The following CPED1 variants were observed in gnomAD, a reference collection of about 807,000 sequenced individuals.
CPED1 encodes the protein cadherin like and PC-esterase domain containing 1.
A neutral mutation model predicts 128.2 loss-of-function variants in CPED1; 114 were observed. That is an observed-to-expected ratio of 0.89 (90% CI 0.76 to 1.04). CPED1 has a LOEUF of 1.04. CPED1 is among the 50% of genes least tolerant of loss of function. The pLI, the probability that CPED1 is intolerant of heterozygous loss-of-function variation, is 0.00. For missense variants in CPED1, 1,211 were observed against 1,207.1 expected (o/e 1.00, Z -0.05); for synonymous variants, 462 against 426.7 (o/e 1.08, Z -1.02).
At chr7:121,228,931 A>G (rs1055048580) in intron 16 of CPED1, among the ~76,000 whole-genome samples, 12 of 152,090 alleles carry the variant, frequency 7.9e-5, no homozygotes, top group African/African-American at 2.9e-4. Context: ...TAAAACATTG[A>G]TCACATGGTG....
intron 5 of CPED1, among the ~76,000 whole-genome samples, chr7:121,088,087 T>C (rs1184653609): frequency 6.6e-6 from 1 of 152,212 alleles, no homozygotes; most frequent in African/African-American, 2.4e-5. Context: ...TAGCAAGATA[T>C]AAATGACTTC....
chr7:121,159,958 T>C (rs1416064337), intron 16 of CPED1, among the ~76,000 whole-genome samples: 1 of 152,218 alleles, frequency 6.6e-6, no homozygotes, highest in Non-Finnish European at 1.5e-5. Flanking sequence ...TTGAAAAATG[T>C]TAAAATGCAT....
At chr7:121,240,856 A>G (rs918887591) in intron 17 of CPED1, among the ~76,000 whole-genome samples, 1 of 151,424 alleles carries the variant, frequency 6.6e-6, no homozygotes, top group Non-Finnish European at 1.5e-5. Flanking sequence ...CTACACAGCC[A>G]CTCAATGTGA....
intron 16 of CPED1, among the ~76,000 whole-genome samples, chr7:121,198,447 G>T (rs546580770): frequency 1.3e-5 from 2 of 152,180 alleles, no homozygotes; most frequent in African/African-American, 4.8e-5. Flanking sequence ...GTTTTCCTCA[G>T]ATGGCAAGTG....
chr7:121,079,721 C>T (rs1428665189), intron 5 of CPED1, among the ~76,000 whole-genome samples: 1 of 152,210 alleles, frequency 6.6e-6, no homozygotes, highest in Non-Finnish European at 1.5e-5. Context: ...AGCTGAATAA[C>T]CCCTCTGCTC....
chr7:121,052,258 C>T (rs539355227), intron 4 of CPED1, among the ~76,000 whole-genome samples: 1 of 152,306 alleles, frequency 6.6e-6, no homozygotes, highest in African/African-American at 2.4e-5. Context: ...TGAAACTAGA[C>T]TTCATTCAGT....
At chr7:120,989,940 TA>T in intron 2 of CPED1, 70 bp downstream of exon 2, 1 of 1,571,044 alleles carries the variant, frequency 6.4e-7, no homozygotes, top group Non-Finnish European at 8.6e-7. Context: ...GTCCTTTCTA[TA>T]AAACTAAAAT....
chr7:121,260,907 T>G (rs1482264944), intron 18 of CPED1, among the ~76,000 whole-genome samples: 1 of 152,080 alleles, frequency 6.6e-6, no homozygotes, highest in Non-Finnish European at 1.5e-5. Flanking sequence ...GATTTTAATT[T>G]TTTTTCTTTT....
intron 10 of CPED1, among the ~76,000 whole-genome samples, chr7:121,127,886 A>G (rs1795547536): frequency 6.6e-6 from 1 of 151,938 alleles, no homozygotes; most frequent in Non-Finnish European, 1.5e-5. Flanking sequence ...TTTTTCTTTC[A>G]TCTTATAAGT....
At position 120,990,781 on chromosome 7, in the gene CPED1, G is replaced by A. The variant is rs79260213; in HGVS notation, c.249+911G>A. ...TACAGTAGATTCTGGTCGATCTTATGATGCCGGTTACCGTTTGAAGTAGAA... is the reference window on the plus strand; with the variant it reads ...TACAGTAGATTCTGGTCGATCTTATAATGCCGGTTACCGTTTGAAGTAGAA... On this transcript the variant is annotated intron_variant, in intron 2 of 22. Coordinates refer to ENST00000310396, the MANE Select transcript of CPED1 (RefSeq NM_024913.5). 3.5e-3 allele frequency among the ~76,000 whole-genome samples: 530 copies of A among 152,294 alleles called. 3 individuals carry two copies. Among genetic ancestry groups the A allele is most frequent in the African/African-American group, 0.012 (513 of 41,562 alleles).
At chr7:121,086,153 G>T (rs1411386243) in intron 5 of CPED1, among the ~76,000 whole-genome samples, 1 of 151,496 alleles carries the variant, frequency 6.6e-6, no homozygotes, top group Non-Finnish European at 1.5e-5. Flanking sequence ...TCCCGTGTAG[G>T]TCAGCCCAGC....
chr7:121,171,733 T>A (rs892970601), intron 16 of CPED1, among the ~76,000 whole-genome samples: 1 of 152,206 alleles, frequency 6.6e-6, no homozygotes, highest in Admixed American at 6.5e-5. Flanking sequence ...TGTAAACACA[T>A]CCTGTGTATT....
intron 16 of CPED1, among the ~76,000 whole-genome samples, chr7:121,225,564 G>A (rs1195010614): frequency 6.6e-6 from 1 of 152,126 alleles, no homozygotes; most frequent in African/African-American, 2.4e-5. Flanking sequence ...ATAATATCCT[G>A]AAGAGTGTTT....
At chr7:121,045,821 G>A (rs989238491) in intron 3 of CPED1, among the ~76,000 whole-genome samples, 2 of 151,406 alleles carry the variant, frequency 1.3e-5, no homozygotes, top group African/African-American at 4.9e-5. Context: ...TACCCAGAGG[G>A]GTTTTTTCCT....
intron 7 of CPED1, among the ~76,000 whole-genome samples, chr7:121,118,261 T>G (rs1223294126): frequency 2.0e-5 from 3 of 152,104 alleles, no homozygotes; most frequent in Admixed American, 2.0e-4. Flanking sequence ...ATATATGAAT[T>G]AATTGAATAA....
At chr7:121,241,902 G>A (rs140686179) in intron 17 of CPED1, among the ~76,000 whole-genome samples, 2 of 152,280 alleles carry the variant, frequency 1.3e-5, no homozygotes, top group African/African-American at 4.8e-5. Flanking sequence ...AATTTAAACA[G>A]TGAGTTTTAT....
chr7:121,113,366 G>C (rs140409782), intron 7 of CPED1, among the ~76,000 whole-genome samples: 94 of 152,284 alleles, frequency 6.2e-4, no homozygotes, highest in Non-Finnish European at 1.1e-3. Context: ...AGAATGCAAG[G>C]CATGACTCAG....
At chr7:121,018,632 A>C (rs1449769724) in intron 3 of CPED1, among the ~76,000 whole-genome samples, 2 of 152,108 alleles carry the variant, frequency 1.3e-5, no homozygotes, top group African/African-American at 4.8e-5. Flanking sequence ...CTAGGACAAT[A>C]AATATAGAAG....
chr7:121,165,179 A>G (rs955813713), intron 16 of CPED1, among the ~76,000 whole-genome samples: 1 of 152,212 alleles, frequency 6.6e-6, no homozygotes, highest in East Asian at 1.9e-4. Flanking sequence ...GAAAAGTAAT[A>G]TCAAGCATCA....
Sources: gnomAD v4.1 joint callset for allele counts (sites outside exome capture counted in the v4.1 genomes callset) on GRCh38, gnomAD v4.1.1 for gene constraint, MANE v1.5 for transcripts, NCBI Gene and HGNC (gene_info 2026-07-23, HGNC 2026-07-21) for gene names.